The following ZNF540 variants were observed in gnomAD, a reference collection of about 807,000 sequenced individuals.
The protein encoded by ZNF540 is CTD-3064H18.6.
In ZNF540, 3 loss-of-function variants were observed where a neutral mutation model predicts 11.8. The observed-to-expected ratio is 0.25, with a 90% CI of 0.12 to 0.65. The LOEUF (loss-of-function observed/expected upper bound fraction) is 0.65. Among genes scored for constraint, ZNF540 ranks in the 30% least tolerant of loss-of-function variants. ZNF540 has a pLI of 0.83. For missense variants in ZNF540, 709 were observed against 793.1 expected, an observed-to-expected ratio of 0.89 and a Z score of 1.27; for synonymous variants, 247 against 259.0, an observed-to-expected ratio of 0.95 and a Z score of 0.45.
At chr19:37,606,121 C>T (rs1600561871) in intron 4 of ZNF540, among the ~76,000 whole-genome samples, 1 of 152,158 alleles carries the variant, frequency 6.6e-6, no homozygotes, top group Non-Finnish European at 1.5e-5. Flanking sequence ...GACCTACCTT[C>T]CATTTTTGTT....
intron 4 of ZNF540, among the ~76,000 whole-genome samples, chr19:37,606,281 T>G (rs992477187): frequency 6.6e-6 from 1 of 152,230 alleles, no homozygotes; most frequent in Non-Finnish European, 1.5e-5. Context: ...GCTGAATATG[T>G]TCTGTTGTAG....
chr19:37,556,715 A>G (rs1392088883), intron 1 of ZNF540, among the ~76,000 whole-genome samples: 1 of 152,188 alleles, frequency 6.6e-6, no homozygotes, highest in East Asian at 1.9e-4. Context: ...CCAATTGGGC[A>G]TCTCTTAGCT....
chr19:37,552,940 C>G (rs2042621255), intron 1 of ZNF540, among the ~76,000 whole-genome samples: 1 of 151,120 alleles, frequency 6.6e-6, no homozygotes, highest in Admixed American at 6.6e-5. Flanking sequence ...GGGTGAGACT[C>G]TGTCTCGAAC....
intron 1 of ZNF540, among the ~76,000 whole-genome samples, chr19:37,570,242 A>G (rs2043006039): frequency 6.6e-6 from 1 of 152,132 alleles, no homozygotes; most frequent in Non-Finnish European, 1.5e-5. Flanking sequence ...TCCATGTCCT[A>G]CTTCACTCCA....
intron 1 of ZNF540, among the ~76,000 whole-genome samples, chr19:37,579,035 C>G (rs2043350486): frequency 6.6e-6 from 1 of 152,210 alleles, no homozygotes; most frequent in Non-Finnish European, 1.5e-5. Flanking sequence ...AGCACAGCCG[C>G]CCTGCCCCCA....
chr19:37,565,286 T>C, intron 1 of ZNF540: 1 of 1,611,216 alleles, frequency 6.2e-7, no homozygotes, highest in Non-Finnish European at 8.5e-7. Flanking sequence ...AACTCTCAGG[T>C]GGTAAGTAAG....
chr19:37,594,546 C>T (rs1272267477), upstream of ZNF540: 1 of 152,346 alleles, frequency 6.6e-6, no homozygotes, highest in Non-Finnish European at 1.5e-5. Flanking sequence ...ACTGCCAGAA[C>T]CAAAGTGACG....
intron 1 of ZNF540, chr19:37,564,694 C>A: frequency 6.2e-7 from 1 of 1,613,490 alleles, no homozygotes. Flanking sequence ...CAGTATGGAT[C>A]CTTTGATGCA....
intron 1 of ZNF540, among the ~76,000 whole-genome samples, chr19:37,572,037 T>A (rs1192369841): frequency 6.6e-6 from 1 of 152,220 alleles, no homozygotes; most frequent in African/African-American, 2.4e-5. Flanking sequence ...TAGTCCTATC[T>A]ATCAATCACA....
At chr19:37,605,514 G>A (rs2044078287) in intron 4 of ZNF540, among the ~76,000 whole-genome samples, 1 of 152,134 alleles carries the variant, frequency 6.6e-6, no homozygotes, top group Admixed American at 6.5e-5. Context: ...CGGGTGTGGT[G>A]GCGTGTGCCT....
intron 1 of ZNF540, chr19:37,564,491 G>A: frequency 5.0e-6 from 5 of 993,682 alleles, no homozygotes; most frequent in Non-Finnish European, 6.9e-6. Flanking sequence ...GTTAATGTAG[G>A]CCTTCTAAGA....
chr19:37,586,793 C>T (rs2043688722), intron 1 of ZNF540: 1 of 1,067,746 alleles, frequency 9.4e-7, no homozygotes, highest in East Asian at 2.4e-5. Flanking sequence ...TCACAGCCCA[C>T]AAAATAAACT....
At chr19:37,570,391 C>T (rs991046635) in intron 1 of ZNF540, among the ~76,000 whole-genome samples, 1 of 152,016 alleles carries the variant, frequency 6.6e-6, no homozygotes, top group South Asian at 2.1e-4. Flanking sequence ...TGTTTTCCTT[C>T]ATGTCTTTCC....
chr19:37,603,552 G>A (rs2044057250), intron 4 of ZNF540, among the ~76,000 whole-genome samples: 1 of 152,184 alleles, frequency 6.6e-6, no homozygotes, highest in Admixed American at 6.5e-5. Context: ...GAATTGGCAG[G>A]AGGGAAAGGA....
intron 1 of ZNF540, chr19:37,587,250 T>C (rs2043706717): frequency 6.6e-6 from 1 of 152,374 alleles, no homozygotes; most frequent in Non-Finnish European, 1.5e-5. Context: ...TGCCTGACCT[T>C]TGCTATGCTT....
upstream of ZNF540, chr19:37,594,703 A>G (rs1197179277): frequency 3.3e-5 from 5 of 152,260 alleles, no homozygotes; most frequent in Admixed American, 3.3e-4. Flanking sequence ...AAGCAACCCA[A>G]AAGCTGCGAG....
In ZNF540 at chr19:37,569,125, G is replaced by T. The variant is rs1244903114; in HGVS notation, c.-73+17460G>T. 1.3e-5 allele frequency among the ~76,000 whole-genome samples: 2 copies of T among 151,998 alleles called. No individual in the cohort carries two copies. Among genetic ancestry groups the T allele is most frequent in the African/African-American group, 2.4e-5 (1 of 41,382 alleles). ...GCACCACCATGCCTGGCTCATTTTT[G>T]TATTTTTAGTAGAGATAGGCCTTCA... On this transcript the variant is annotated intron_variant, in intron 1 of 4. Coordinates refer to the ZNF540 transcript ENST00000592533. The surrounding 1 kb of genome is among the most constrained non-coding windows in gnomAD (Gnocchi z 4.4).
intron 1 of ZNF540, among the ~76,000 whole-genome samples, chr19:37,581,268 T>C (rs977892080): frequency 6.6e-6 from 1 of 152,196 alleles, no homozygotes; most frequent in Non-Finnish European, 1.5e-5. Flanking sequence ...TAGATTAGTC[T>C]CTTTTTAATA....
chr19:37,610,879 C>T (rs1312441720), intron 4 of ZNF540: 1 of 152,082 alleles, frequency 6.6e-6, no homozygotes, highest in African/African-American at 2.4e-5. Context: ...CCAAATTACT[C>T]CTGTAGATTT....
Sources: gnomAD v4.1 joint callset for allele counts (sites outside exome capture counted in the v4.1 genomes callset) on GRCh38, gnomAD v4.1.1 for gene constraint, Gnocchi (gnomAD v3.1) non-coding constraint, MANE v1.5 for transcripts, NCBI Gene and HGNC (gene_info 2026-07-23, HGNC 2026-07-21) for gene names.